PLXNA2: variants seen among roughly 807,000 people sequenced by gnomAD.
The protein encoded by PLXNA2 is plexin-A2.
PLXNA2 carries 91 observed loss-of-function variants against 193.5 expected under a neutral mutation model. That is an observed-to-expected ratio of 0.47 (90% CI 0.40 to 0.56). The LOEUF (loss-of-function observed/expected upper bound fraction) is 0.56. PLXNA2 is among the 20% of genes least tolerant of loss of function. The probability of loss-of-function intolerance (pLI) is 0.00; values close to 1 mark genes in which losing one functional copy is unlikely to be tolerated. For synonymous variants in PLXNA2, 997 were observed against 1,027.3 expected (o/e 0.97, Z 0.56); for missense variants, 1,995 against 2,503.2 (o/e 0.80, Z 4.33).
intron 1 of PLXNA2, among the ~76,000 whole-genome samples, chr1:208,223,499 A>G (rs1671414396): frequency 6.6e-6 from 1 of 152,148 alleles, no homozygotes; most frequent in South Asian, 2.1e-4. Flanking sequence ...CTGGACAACG[A>G]GGTGGTGCTC....
At chr1:208,085,197 C>T (rs1666477281) in intron 9 of PLXNA2, among the ~76,000 whole-genome samples, 1 of 151,986 alleles carries the variant, frequency 6.6e-6, no homozygotes, top group Non-Finnish European at 1.5e-5. Context: ...TTGGGAAGGA[C>T]CATGAGAGAG....
In PLXNA2 at chr1:208,033,521, G is replaced by A. The variant is rs780641885; in HGVS notation, c.4865-12C>T. ...CCTGAAGGAGGAGTCTGAGGAGAAG[G>A]GGTTGGTGGAGGGCTGTGAGTAACA... On this transcript the variant is annotated splice_polypyrimidine_tract_variant and intron_variant, in intron 27 of 31. Coordinates refer to ENST00000367033, the MANE Select transcript of PLXNA2 (RefSeq NM_025179.4). 6.3e-7 allele frequency: 1 copy of A among 1,591,020 alleles called. No homozygotes were observed. The highest frequency in any genetic ancestry group is 1.1e-5 in the South Asian group (1 of 89,294).
rs1420765059 is a variant in PLXNA2, at chr1:208,082,915, T to C, written c.2299-407A>G. On this transcript the variant is annotated intron_variant, in intron 10 of 31. Coordinates refer to ENST00000367033, the MANE Select transcript of PLXNA2 (RefSeq NM_025179.4). This position sits in a 1 kb window ranked among gnomAD's most constrained non-coding sequence, Gnocchi z 4.2. ...CCCCAGGAGTCCTCTCCCACAACCC[T>C]GCAGATCTGCCTCAAACTGTCCATC... 6.6e-6 allele frequency among the ~76,000 whole-genome samples: 1 copy of C among 152,140 alleles called. No individual in the cohort carries two copies. The highest frequency in any genetic ancestry group is 1.5e-5 in the Non-Finnish European group (1 of 68,010).
At chr1:208,202,410 C>T (rs891666286) in intron 3 of PLXNA2, among the ~76,000 whole-genome samples, 6 of 152,062 alleles carry the variant, frequency 3.9e-5, no homozygotes, top group African/African-American at 7.2e-5. Flanking sequence ...CTTATGATGC[C>T]GGTACCAGAA....
chr1:208,156,860 T>TG (rs1383184004), intron 3 of PLXNA2, among the ~76,000 whole-genome samples: 2 of 152,244 alleles, frequency 1.3e-5, no homozygotes, highest in African/African-American at 2.4e-5. Context: ...GCCGTAAACT[T>TG]GGACCACAAA....
At chr1:208,189,524 C>T (rs558314559) in intron 3 of PLXNA2, among the ~76,000 whole-genome samples, 12 of 146,386 alleles carry the variant, frequency 8.2e-5, no homozygotes, top group East Asian at 4.0e-4. Flanking sequence ...AAAAAAAAAG[C>T]GAACCTGGGG....
chr1:208,146,480 G>A (rs991425947), intron 3 of PLXNA2, among the ~76,000 whole-genome samples: 6 of 152,210 alleles, frequency 3.9e-5, no homozygotes, highest in Non-Finnish European at 7.3e-5. Context: ...AAAGCACATG[G>A]CTGAGGGGGA....
At chr1:208,148,577 G>A (rs1668666533) in intron 3 of PLXNA2, among the ~76,000 whole-genome samples, 1 of 152,194 alleles carries the variant, frequency 6.6e-6, no homozygotes, top group African/African-American at 2.4e-5. Context: ...ATGAATGTCA[G>A]TACTGTCCAA....
At chr1:208,192,608 C>T (rs1670217314) in intron 3 of PLXNA2, among the ~76,000 whole-genome samples, 1 of 152,024 alleles carries the variant, frequency 6.6e-6, no homozygotes, top group Non-Finnish European at 1.5e-5. Flanking sequence ...TTAGACAGGC[C>T]AGGTGCAGTG....
intron 12 of PLXNA2, among the ~76,000 whole-genome samples, chr1:208,076,410 T>A (rs1313774735): frequency 6.6e-6 from 1 of 152,128 alleles, no homozygotes; most frequent in African/African-American, 2.4e-5. Flanking sequence ...TTTGTTTCTT[T>A]TTTTCAGGAA....
chr1:208,172,215 T>C (rs962000897), intron 3 of PLXNA2, among the ~76,000 whole-genome samples: 2 of 151,780 alleles, frequency 1.3e-5, no homozygotes, highest in Non-Finnish European at 2.9e-5. Flanking sequence ...TGCAGACCTA[T>C]GTGAAAACCA....
intron 4 of PLXNA2, among the ~76,000 whole-genome samples, chr1:208,132,872 G>T (rs556013432): frequency 6.6e-6 from 1 of 152,248 alleles, no homozygotes; most frequent in East Asian, 1.9e-4. Flanking sequence ...TTACAGGTGA[G>T]GTAACTGAAG....
Position 208,237,471 on chromosome 1 carries a change from A to G in PLXNA2, c.-81+6172T>C, listed in dbSNP as rs140182540. ...AATTTACATAGAATACAACACGAAA[A>G]TCCTTGGGAGTGTGCACCCTGGAGT... On this transcript the variant is annotated intron_variant, in intron 1 of 31. Transcript: ENST00000367033. Among the ~76,000 whole-genome samples the G allele has an allele frequency of 6.8e-4, 104 of 152,302 alleles. No homozygotes were observed. In the Middle Eastern group the frequency reaches 0.014, roughly 20 times the overall value.
chr1:208,221,516 A>G (rs1671336575), intron 1 of PLXNA2, among the ~76,000 whole-genome samples: 1 of 149,266 alleles, frequency 6.7e-6, no homozygotes, highest in African/African-American at 2.5e-5. Context: ...AAGTGAATTC[A>G]TCTCACAGGA....
chr1:208,143,679 A>G (rs1443125452), intron 3 of PLXNA2, among the ~76,000 whole-genome samples: 2 of 151,490 alleles, frequency 1.3e-5, no homozygotes, highest in Non-Finnish European at 1.5e-5. Flanking sequence ...TCCTCCATGA[A>G]GCCTTCCCCA....
intron 8 of PLXNA2, among the ~76,000 whole-genome samples, chr1:208,094,431 C>T (rs929088043): frequency 2.0e-5 from 3 of 152,150 alleles, no homozygotes; most frequent in African/African-American, 4.8e-5. Flanking sequence ...GTCAAGGAGA[C>T]CTGCTTTTTT....
At chr1:208,185,830 G>C (rs1415326591) in intron 3 of PLXNA2, among the ~76,000 whole-genome samples, 1 of 151,896 alleles carries the variant, frequency 6.6e-6, no homozygotes, top group African/African-American at 2.4e-5. Flanking sequence ...GGGATCCAAT[G>C]GCACTTAGAG....
At chr1:208,052,592 T>A in intron 14 of PLXNA2, 129 bp from the exon 15 acceptor site, 1 of 814,552 alleles carries the variant, frequency 1.2e-6, no homozygotes, top group Non-Finnish European at 1.9e-6. Context: ...TCCTTTTCAA[T>A]CCTAAATGCT....
At chr1:208,129,671 C>T (rs1469110990) in intron 4 of PLXNA2, among the ~76,000 whole-genome samples, 1 of 152,222 alleles carries the variant, frequency 6.6e-6, no homozygotes, top group Non-Finnish European at 1.5e-5. Flanking sequence ...AGAGCATCAC[C>T]TCCTCCAGGA....
Sources: gnomAD v4.1 joint callset for allele counts (sites outside exome capture counted in the v4.1 genomes callset) on GRCh38, gnomAD v4.1.1 for gene constraint, Gnocchi (gnomAD v3.1) non-coding constraint, MANE v1.5 for transcripts, NCBI Gene and HGNC (gene_info 2026-07-23, HGNC 2026-07-21) for gene names.